Variants in EPS15L1 observed in about 807,000 individuals in gnomAD.
The protein encoded by EPS15L1 is epidermal growth factor receptor substrate 15-like 1.
Under a neutral mutation model 117.1 loss-of-function variants are expected in EPS15L1, and 43 were observed. The ratio of observed to expected loss-of-function variants is 0.37; its 90% CI spans 0.29 to 0.47. The LOEUF (loss-of-function observed/expected upper bound fraction) is 0.47, where lower values mean the gene tolerates loss of function less well. Among genes scored for constraint, EPS15L1 ranks in the 20% least tolerant of loss-of-function variants. The pLI is 0.99. For missense variants in EPS15L1, 981 were observed against 1,164.0 expected (o/e 0.84, Z 2.29); for synonymous variants, 459 against 470.5 (o/e 0.98, Z 0.32).
intron 22 of EPS15L1, among the ~76,000 whole-genome samples, chr19:16,376,251 C>T (rs139109371): frequency 1.1e-4 from 17 of 152,274 alleles, no homozygotes; most frequent in African/African-American, 3.1e-4. Context: ...CGTCCCAGAC[C>T]GGGGCACAGA....
At chr19:16,439,726 C>T (rs186729462) in intron 4 of EPS15L1, among the ~76,000 whole-genome samples, 15 of 151,730 alleles carry the variant, frequency 9.9e-5, no homozygotes, top group Admixed American at 5.9e-4. Context: ...AACATGCAGA[C>T]ATGCACCATG....
Position 16,471,795 on chromosome 19 carries a change from T to A in EPS15L1, c.33+118A>T. ...CTGCCCACCCGCCCGCCGCAAGCCC[T>A]TCAGCACGCGCCGCCCCCGCCGCCG... On this transcript the variant is annotated intron_variant, in intron 1 of 23. Coordinates refer to ENST00000455140, the MANE Select transcript of EPS15L1 (RefSeq NM_001258374.3). The surrounding 1 kb of genome is among the most constrained non-coding windows in gnomAD (Gnocchi z 4.8). 2.5e-4 allele frequency: 43 copies of A among 173,490 alleles called. No individual in the cohort carries two copies. The highest frequency in any genetic ancestry group is 2.5e-3 in the Middle Eastern group (1 of 398). 10.7% of individuals were successfully genotyped at this position (173,490 alleles called of 1,614,324 possible). A position where few individuals can be genotyped will look rare whatever the true frequency, so the allele number is the denominator to read the frequency against.
intron 1 of EPS15L1, among the ~76,000 whole-genome samples, chr19:16,445,429 A>G (rs988975922): frequency 1.7e-4 from 26 of 152,122 alleles, no homozygotes; most frequent in African/African-American, 5.8e-4. Context: ...CTAATTACAC[A>G]TATGTCAGGT....
chr19:16,428,988 TGATTATAA>T (rs1183077624), intron 7 of EPS15L1, among the ~76,000 whole-genome samples: 4 of 152,162 alleles, frequency 2.6e-5, no homozygotes, highest in Admixed American at 6.5e-5. Flanking sequence ...ATAATCATAT[TGATTATAA>T]GATTATAAGT....
intron 10 of EPS15L1, among the ~76,000 whole-genome samples, chr19:16,419,877 T>C (rs2092797822): frequency 6.6e-6 from 1 of 152,236 alleles, no homozygotes; most frequent in Non-Finnish European, 1.5e-5. Context: ...GCCCCTTCTC[T>C]GCTCCTGCCA....
chr19:16,364,571 T>G (rs1270674555), intron 22 of EPS15L1, among the ~76,000 whole-genome samples: 1 of 152,158 alleles, frequency 6.6e-6, no homozygotes, highest in Non-Finnish European at 1.5e-5. Flanking sequence ...ACCCCCACCT[T>G]GAGACGGCCT....
intron 22 of EPS15L1, among the ~76,000 whole-genome samples, chr19:16,368,232 A>G (rs1347958200): frequency 6.6e-6 from 1 of 152,144 alleles, no homozygotes; most frequent in Non-Finnish European, 1.5e-5. Flanking sequence ...ATACACAACC[A>G]TCATTGATCC....
intron 16 of EPS15L1, among the ~76,000 whole-genome samples, chr19:16,400,154 CTG>C (rs2092584119): frequency 1.3e-5 from 2 of 151,962 alleles, no homozygotes; most frequent in African/African-American, 4.8e-5. Flanking sequence ...CTGGGCAACA[CTG>C]TGAAACCTCG....
intron 13 of EPS15L1, among the ~76,000 whole-genome samples, chr19:16,411,613 A>C (rs1182125086): frequency 6.6e-6 from 1 of 152,186 alleles, no homozygotes; most frequent in Admixed American, 6.5e-5. Context: ...TGGTATTAAA[A>C]TTTGCAGATG....
chr19:16,362,076 GGCGCTTCTCTGAGAAAA>G, intron 22 of EPS15L1, 92 bp from the exon 23 acceptor site: 1 of 1,323,964 alleles, frequency 7.6e-7, no homozygotes, highest in Middle Eastern at 2.2e-4. Context: ...ACAAGCCCGG[GGCGCTTCTCTGAGAAAA>G]GCTTGTAACT....
chr19:16,385,064 CCA>C, intron 21 of EPS15L1, 63 bp downstream of exon 21: 1 of 1,274,526 alleles, frequency 7.8e-7, no homozygotes, highest in South Asian at 1.2e-5. Flanking sequence ...GCCTGGCAGC[CCA>C]CACCATGACA....
At chr19:16,417,860 G>A (rs1024955736) in intron 11 of EPS15L1, 88 bp downstream of exon 11, 29 of 1,511,658 alleles carry the variant, frequency 1.9e-5, no homozygotes, top group African/African-American at 1.7e-4. Flanking sequence ...ACCCGCCACC[G>A]TGGGCTCATG....
At chr19:16,432,225 G>A (rs545870493) in intron 7 of EPS15L1, among the ~76,000 whole-genome samples, 22 of 152,246 alleles carry the variant, frequency 1.4e-4, no homozygotes, top group Middle Eastern at 3.4e-3. Flanking sequence ...CCTGAGGTCA[G>A]GAGTTCAAGA....
chr19:16,377,145 G>A lies in EPS15L1; in HGVS notation c.2357C>T (p.Pro786Leu). ...ACCGCTGGGCGGTTTAGGCCGTGGAGGAGCAGGTTTCTTCGGAGGCAGAGC... is the reference window on the plus strand; with the variant it reads ...ACCGCTGGGCGGTTTAGGCCGTGGAAGAGCAGGTTTCTTCGGAGGCAGAGC... ...TPALPPKKPA[P>L]PRPKPPSGKS... Residue 786 changes from proline (P) to leucine (L), a missense_variant, in exon 22 of 24, where the codon CCT becomes CTT. By Grantham distance (98) the Pro-to-Leu change is moderately conservative. Coordinates refer to ENST00000455140, the MANE Select transcript of EPS15L1 (RefSeq NM_001258374.3). The A allele has an allele frequency of 6.2e-7, 1 of 1,608,588 alleles. No individual in the cohort carries two copies. Among genetic ancestry groups the A allele is most frequent in the Non-Finnish European group, 8.5e-7 (1 of 1,177,798 alleles).
At chr19:16,454,595 C>A (rs959544809) in intron 1 of EPS15L1, among the ~76,000 whole-genome samples, 32 of 152,152 alleles carry the variant, frequency 2.1e-4, no homozygotes, top group African/African-American at 7.5e-4. Context: ...CAGCAGAAGA[C>A]GAACATGCTC....
chr19:16,355,465 G>A lies in EPS15L1; in HGVS notation c.*240C>T. 4.1e-6 allele frequency: 2 copies of A among 484,520 alleles called. No individual in the cohort carries two copies. The highest frequency in any genetic ancestry group is 7.3e-6 in the Non-Finnish European group (2 of 274,340). 30.0% of individuals were successfully genotyped at this position (484,520 alleles called of 1,614,324 possible). A position where few individuals can be genotyped will look rare whatever the true frequency, so the allele number is the denominator to read the frequency against. On this transcript the variant is annotated 3_prime_UTR_variant, in exon 24 of 24. Transcript: ENST00000455140. ...AAGAGCGGGAGGCAGTCAGCCCCGG[G>A]GGGGATGGCACAGTGGAGAGACGGA...
In EPS15L1 at chr19:16,381,726, G is replaced by A. The variant is rs143717138; in HGVS notation, c.2247+3403C>T. 6.6e-6 allele frequency among the ~76,000 whole-genome samples: 1 copy of A among 152,324 alleles called. No individual in the cohort carries two copies. Among genetic ancestry groups the A allele is most frequent in the East Asian group, 1.9e-4 (1 of 5,178 alleles). On this transcript the variant is annotated intron_variant, in intron 21 of 23. Transcript: ENST00000455140. The surrounding 1 kb of genome is among the most constrained non-coding windows in gnomAD (Gnocchi z 4.2). The stretch of plus-strand genomic sequence containing the variant: ...CGGCCTGCAGCTTAGCTTTAAAATG[G>A]GCCGTTTAGGGTCGGCTGTTTGGGA...
chr19:16,365,168 T>C lies in EPS15L1; in HGVS notation c.2381-3184A>G, dbSNP rs2092116158. On this transcript the variant is annotated intron_variant, in intron 22 of 23. Coordinates refer to ENST00000455140, the MANE Select transcript of EPS15L1 (RefSeq NM_001258374.3). The surrounding 1 kb of genome is among the most constrained non-coding windows in gnomAD (Gnocchi z 4.9). ...TGTGTTCAGCTCTGCAGCCAAGCCCTGGGGCTGGGAGTGGCCCTGGAAGAC... is the reference window on the plus strand; with the variant it reads ...TGTGTTCAGCTCTGCAGCCAAGCCCCGGGGCTGGGAGTGGCCCTGGAAGAC... Among the ~76,000 whole-genome samples the C allele has an allele frequency of 6.6e-6, 1 of 152,194 alleles. No homozygotes were observed. The highest frequency in any genetic ancestry group is 1.5e-5 in the Non-Finnish European group (1 of 68,026).
intron 1 of EPS15L1, among the ~76,000 whole-genome samples, chr19:16,447,775 A>AT (rs1176877061): frequency 6.6e-6 from 1 of 151,846 alleles, no homozygotes; most frequent in Admixed American, 6.6e-5. Context: ...AAAAAAAAAA[A>AT]GGCAGAGAAG....
Sources: allele counts gnomAD v4.1 joint callset (sites outside exome capture counted in the v4.1 genomes callset), GRCh38; gene constraint gnomAD v4.1.1; non-coding constraint Gnocchi (gnomAD v3.1); transcripts MANE v1.5; gene names NCBI Gene and HGNC (gene_info 2026-07-23, HGNC 2026-07-21).